ROBO2: variants seen among roughly 807,000 people sequenced by gnomAD.
ROBO2 encodes the protein roundabout guidance receptor 2.
A neutral mutation model predicts 160.8 loss-of-function variants in ROBO2; 53 were observed. The ratio of observed to expected loss-of-function variants is 0.33; its 90% CI spans 0.26 to 0.41. The LOEUF is 0.41. Ranked by LOEUF, ROBO2 falls within the 10% of genes least tolerant of loss-of-function variation. The pLI is 1.00. For synonymous variants in ROBO2, 664 were observed against 611.7 expected (o/e 1.09, Z -1.26); for missense variants, 1,577 against 1,722.4 (o/e 0.92, Z 1.49).
intron 2 of ROBO2, among the ~76,000 whole-genome samples, chr3:76,042,466 C>T (rs1010849840): frequency 1.3e-5 from 2 of 151,900 alleles, no homozygotes; most frequent in Non-Finnish European, 2.9e-5. Flanking sequence ...TTTATGTATG[C>T]GATTATTTAC....
At chr3:76,877,504 G>GTTTGTA (rs1267817190) in intron 2 of ROBO2, among the ~76,000 whole-genome samples, 18 of 152,192 alleles carry the variant, frequency 1.2e-4, no homozygotes, top group African/African-American at 3.4e-4. Flanking sequence ...AAACCCAGTA[G>GTTTGTA]TTGATACACA....
At chr3:77,394,447 T>TA (rs962808904) in intron 2 of ROBO2, among the ~76,000 whole-genome samples, 4 of 151,964 alleles carry the variant, frequency 2.6e-5, no homozygotes, top group Non-Finnish European at 1.5e-5. Context: ...GAACTACTAT[T>TA]AAAAAAAACT....
At chr3:77,357,802 A>G (rs1366112703) in intron 2 of ROBO2, among the ~76,000 whole-genome samples, 1 of 152,194 alleles carries the variant, frequency 6.6e-6, no homozygotes, top group African/African-American at 2.4e-5. Flanking sequence ...TAGGAAATAA[A>G]GTAGGGAAAT....
At chr3:76,429,593 A>G (rs1420232290) in intron 2 of ROBO2, among the ~76,000 whole-genome samples, 1 of 152,224 alleles carries the variant, frequency 6.6e-6, no homozygotes, top group Non-Finnish European at 1.5e-5. Context: ...CCATAAAAGC[A>G]GTAAATATTA....
intron 2 of ROBO2, among the ~76,000 whole-genome samples, chr3:76,313,162 A>T (rs906673662): frequency 1.3e-5 from 2 of 152,164 alleles, no homozygotes; most frequent in Non-Finnish European, 2.9e-5. Flanking sequence ...TTACTGAAAA[A>T]CTTTAAACGT....
intron 2 of ROBO2, among the ~76,000 whole-genome samples, chr3:76,765,458 C>T (rs1051326727): frequency 6.6e-6 from 1 of 151,552 alleles, no homozygotes; most frequent in African/African-American, 2.4e-5. Context: ...TGTCTCCTCC[C>T]ATTGAATCTG....
intron 2 of ROBO2, among the ~76,000 whole-genome samples, chr3:76,165,207 TTCA>T (rs1264928120): frequency 6.6e-6 from 1 of 152,188 alleles, no homozygotes; most frequent in African/African-American, 2.4e-5. Flanking sequence ...TGTGAACATC[TTCA>T]TCATTTTCTT....
chr3:76,742,081 G>A lies in ROBO2; in HGVS notation c.110-355933G>A, dbSNP rs1227912743. On this transcript the variant is annotated intron_variant, in intron 2 of 26. Transcript: ENST00000487694. ...ATGAGTGAAAAATTTCATTATATAC[G>A]AAGATTTGAATACCTTCATGAGAGT... Among the ~76,000 whole-genome samples the A allele has an allele frequency of 5.9e-5, 9 of 152,052 alleles. No individual in the cohort carries two copies. The East Asian group carries it at 1.2e-3, about 20-fold the overall frequency.
intron 2 of ROBO2, among the ~76,000 whole-genome samples, chr3:75,955,832 C>G (rs543082084): frequency 6.6e-6 from 1 of 151,516 alleles, no homozygotes; most frequent in South Asian, 2.1e-4. Context: ...ATTGTCCTGC[C>G]CACCCAGACT....
chr3:76,389,790 TAA>T (rs948592158), intron 2 of ROBO2, among the ~76,000 whole-genome samples: 4 of 152,186 alleles, frequency 2.6e-5, no homozygotes, highest in African/African-American at 9.6e-5. Context: ...ATATTAAAAT[TAA>T]GTTTCATCGA....
intron 2 of ROBO2, among the ~76,000 whole-genome samples, chr3:77,202,436 A>G (rs1488184683): frequency 1.3e-5 from 2 of 152,170 alleles, no homozygotes; most frequent in African/African-American, 2.4e-5. Flanking sequence ...AGTAACAACT[A>G]CTAGTGTTTT....
chr3:76,558,006 T>TA (rs5850264), intron 2 of ROBO2, among the ~76,000 whole-genome samples: 50,176 of 151,796 alleles, frequency 0.33, 8,724 homozygotes, highest in East Asian at 0.48. Context: ...TAATTTCTGT[T>TA]AGAGTTGATA....
chr3:76,189,569 T>C (rs1161807412), intron 2 of ROBO2, among the ~76,000 whole-genome samples: 2 of 152,092 alleles, frequency 1.3e-5, no homozygotes, highest in African/African-American at 2.4e-5. Context: ...CAAAACAGGG[T>C]AAAATATATA....
intron 5 of ROBO2, among the ~76,000 whole-genome samples, chr3:77,514,651 T>G (rs997589364): frequency 3.3e-5 from 5 of 151,904 alleles, no homozygotes; most frequent in African/African-American, 1.2e-4. Context: ...AAAGCCCTGT[T>G]GTACACTATA....
At chr3:77,417,080 A>G (rs1044245812) in intron 2 of ROBO2, among the ~76,000 whole-genome samples, 1 of 152,150 alleles carries the variant, frequency 6.6e-6, no homozygotes, top group Non-Finnish European at 1.5e-5. Context: ...TGAATCTATA[A>G]TCAGAACTCA....
At chr3:76,779,783 T>A (rs2062515471) in intron 2 of ROBO2, among the ~76,000 whole-genome samples, 1 of 151,004 alleles carries the variant, frequency 6.6e-6, no homozygotes, top group African/African-American at 2.4e-5. Flanking sequence ...CAACATTTTC[T>A]TTATCTCTTC....
intron 17 of ROBO2, among the ~76,000 whole-genome samples, chr3:77,592,861 A>AT (rs768189467): frequency 6.6e-6 from 1 of 151,994 alleles, no homozygotes; most frequent in Non-Finnish European, 1.5e-5. Context: ...CTCATGATAT[A>AT]TTTTTTATAG....
chr3:76,937,520 T>C (rs989852810), intron 2 of ROBO2, among the ~76,000 whole-genome samples: 4 of 150,720 alleles, frequency 2.7e-5, no homozygotes, highest in Admixed American at 2.0e-4. Flanking sequence ...TTTATTAGTC[T>C]GATTAGAAAA....
intron 5 of ROBO2, among the ~76,000 whole-genome samples, chr3:77,502,545 A>T (rs1219370313): frequency 6.6e-6 from 1 of 152,148 alleles, no homozygotes; most frequent in Non-Finnish European, 1.5e-5. Flanking sequence ...ATTTCACTGG[A>T]AACATATTAG....
Sources: gnomAD v4.1 joint callset for allele counts (sites outside exome capture counted in the v4.1 genomes callset) on GRCh38, gnomAD v4.1.1 for gene constraint, MANE v1.5 for transcripts, NCBI Gene and HGNC (gene_info 2026-07-23, HGNC 2026-07-21) for gene names.